C3: variants seen among roughly 807,000 people sequenced by gnomAD.
The protein encoded by C3 is complement C3, also known as C3 and PZP-like alpha-2-macroglobulin domain-containing protein 1.
In C3, 97 loss-of-function variants were observed where a neutral mutation model predicts 207.9. That is an observed-to-expected ratio of 0.47 (90% CI 0.40 to 0.55). The LOEUF is 0.55. Ranked by LOEUF, C3 falls within the 20% of genes least tolerant of loss-of-function variation. The probability of loss-of-function intolerance (pLI) is 0.00; values close to 1 mark genes in which losing one functional copy is unlikely to be tolerated. For missense variants in C3, 1,684 were observed against 2,171.7 expected (o/e 0.78, Z 4.46); for synonymous variants, 848 against 857.6 (o/e 0.99, Z 0.20).
chr19:6,686,691 C>G, intron 28 of C3, 55 bp downstream of exon 28: 1 of 1,574,308 alleles, frequency 6.4e-7, no homozygotes, highest in Non-Finnish European at 8.7e-7. Context: ...CTCAGTATCT[C>G]CCGCCCTGAA....
chr19:6,689,051 T>A lies in C3; in HGVS notation c.3489+1578A>T, dbSNP rs569183635. Among the ~76,000 whole-genome samples, 6 of 152,308 alleles carry A rather than the reference T, an allele frequency of 3.9e-5. No individual in the cohort carries two copies. In the South Asian group the frequency reaches 1.2e-3, roughly 32 times the overall value. ...GATCACGGGAGAGAGGAGCAAAGCA[T>A]CCTGGCAGAGTCCCTGAGGCCACCT... On this transcript the variant is annotated intron_variant, in intron 27 of 40. Transcript: ENST00000245907.
In C3 at chr19:6,684,756, G is replaced by A; in HGVS notation, c.4029+19C>T. ...GCAGAGGGGCATGGGCCAGGCAGGTGTGGGTTTCTGTTCCTTACCGACAAG... is the reference window on the plus strand; with the variant it reads ...GCAGAGGGGCATGGGCCAGGCAGGTATGGGTTTCTGTTCCTTACCGACAAG... On this transcript the variant is annotated intron_variant, in intron 31 of 40. Coordinates refer to ENST00000245907, the MANE Select transcript of C3 (RefSeq NM_000064.4). 2 of 1,613,776 alleles carry A rather than the reference G, an allele frequency of 1.2e-6. No individual in the cohort carries two copies. Among genetic ancestry groups the A allele is most frequent in the African/African-American group, 1.3e-5 (1 of 75,044 alleles).
intron 26 of C3, among the ~76,000 whole-genome samples, chr19:6,691,914 G>C (rs11569578): frequency 6.6e-6 from 1 of 151,906 alleles, no homozygotes; most frequent in Non-Finnish European, 1.5e-5. Context: ...TTGAACCTGG[G>C]AGGTGGAGGT....
chr19:6,692,774 C>T, intron 26 of C3, 150 bp downstream of exon 26: 2 of 949,686 alleles, frequency 2.1e-6, no homozygotes, highest in Admixed American at 3.7e-5. Context: ...ACGCCTCTGG[C>T]TCATATATCT....
chr19:6,694,384 G>A, intron 24 of C3, 47 bp downstream of exon 24: 5 of 1,554,730 alleles, frequency 3.2e-6, no homozygotes, highest in East Asian at 2.2e-5. Context: ...GGAGGGATGC[G>A]CTCGGAAAGG....
At chr19:6,680,650 C>T (rs1299696375) in intron 35 of C3, among the ~76,000 whole-genome samples, 1 of 152,156 alleles carries the variant, frequency 6.6e-6, no homozygotes, top group African/African-American at 2.4e-5. Context: ...CTTCCTTACC[C>T]CCCATGCCAA....
chr19:6,716,508 T>A (rs1968037345), intron 4 of C3: 1 of 152,256 alleles, frequency 6.6e-6, no homozygotes, highest in Non-Finnish European at 1.5e-5. Flanking sequence ...ACAGCTGGGA[T>A]TACAAGTGTG....
chr19:6,680,012 C>T, intron 36 of C3, 146 bp downstream of exon 36: 1 of 687,134 alleles, frequency 1.5e-6, no homozygotes, highest in Non-Finnish European at 2.7e-6. Flanking sequence ...CCTTGGGACC[C>T]TCAGACCCGT....
intron 17 of C3, among the ~76,000 whole-genome samples, chr19:6,705,447 A>ATC (rs921301804): frequency 4.1e-5 from 6 of 147,344 alleles, no homozygotes; most frequent in Middle Eastern, 3.6e-3. Context: ...GGTTCAAACG[A>ATC]TCCTCCCACC....
intron 33 of C3, 135 bp from the exon 34 acceptor site, chr19:6,682,364 T>C: frequency 1.4e-6 from 1 of 713,774 alleles, no homozygotes; most frequent in Non-Finnish European, 2.6e-6. Flanking sequence ...CGTTACATTT[T>C]TTAGGAAACA....
intron 14 of C3, 137 bp downstream of exon 14, chr19:6,709,547 C>T: frequency 1.0e-6 from 1 of 985,070 alleles, no homozygotes; most frequent in Non-Finnish European, 1.6e-6. Context: ...TCAACCATCC[C>T]TGTGTCTGGT....
At position 6,714,215 on chromosome 19, in the gene C3, T is replaced by G; in HGVS notation, c.633A>C (p.Glu211Asp). The change falls in exon 6 of 41, where the codon GAA (glutamate) becomes GAC (aspartate). Residue 211 changes from glutamate (E) to aspartate (D), a missense_variant. Around this residue, in one of 3 missense-constraint regions of C3, gnomAD observed 1,280 missense variants for 1,739.1 expected, o/e 0.74. Coordinates refer to ENST00000245907, the MANE Select transcript of C3 (RefSeq NM_000064.4). Reference protein sequence around the residue: ...MGQWKIRAYYENSPQQVFSTE... With the variant: ...MGQWKIRAYYDNSPQQVFSTE... ...TGGAGAAGACCTGCTGTGGTGAGTT[T>G]TCATAGTAGGCTCGGATCTTCCACT... is the stretch of plus-strand genomic sequence containing the variant. 6.2e-7 allele frequency: 1 copy of G among 1,613,778 alleles called. No individual in the cohort carries two copies. Among genetic ancestry groups the G allele is most frequent in the Non-Finnish European group, 8.5e-7 (1 of 1,179,970 alleles).
intron 26 of C3, 25 bp from the exon 27 acceptor site, chr19:6,690,752 G>A: frequency 1.3e-6 from 2 of 1,583,164 alleles, no homozygotes; most frequent in Non-Finnish European, 1.7e-6. Context: ...AGAAAGCAAG[G>A]ATGGGGTCAC....
chr19:6,717,726 G>A, intron 4 of C3: 1 of 356,382 alleles, frequency 2.8e-6, no homozygotes, highest in Non-Finnish European at 5.1e-6. Context: ...TGTGTATTGT[G>A]TTGTGTGTGT....
In C3 at chr19:6,697,049, T is replaced by TAAATAA. The variant is rs202245108; in HGVS notation, c.2796+294_2796+295insTTATTT. On this transcript the variant is annotated intron_variant, in intron 21 of 40. Transcript: ENST00000245907. ...AGAGTGAGACTCTGTCTCAAAAAAA[T>TAAATAA]AAACAAACAAATAAATAAATAAATA... 5.5e-5 allele frequency among the ~76,000 whole-genome samples: 5 copies of TAAATAA among 91,550 alleles called. No individual in the cohort carries two copies. In the Admixed American group the frequency reaches 6.5e-4, roughly 12 times the overall value. 60.1% of individuals were successfully genotyped at this position (91,550 alleles called of 152,430 possible). A position where few individuals can be genotyped will look rare whatever the true frequency, so the allele number is the denominator to read the frequency against.
intron 1 of C3, among the ~76,000 whole-genome samples, chr19:6,720,024 C>T (rs954979892): frequency 1.3e-5 from 2 of 152,168 alleles, no homozygotes; most frequent in Non-Finnish European, 2.9e-5. Context: ...AAGCTGCAAA[C>T]TCCCAAATCT....
Position 6,714,098 on chromosome 19 carries a change from C to T in C3, c.683-16G>A, listed in dbSNP as rs751124259. On this transcript the variant is annotated splice_polypyrimidine_tract_variant and intron_variant, in intron 6 of 40. Transcript: ENST00000245907. ...CTGGGCAGCACTGGGGGAGAGATGG[C>T]GTTGGTGGGGCCGGCGCTGGGCCAG... 4.3e-6 allele frequency: 7 copies of T among 1,611,402 alleles called. No homozygotes were observed. The highest frequency in any genetic ancestry group is 2.7e-5 in the African/African-American group (2 of 74,572).
intron 11 of C3, 135 bp from the exon 12 acceptor site, chr19:6,711,331 T>A: frequency 2.8e-6 from 2 of 721,230 alleles, no homozygotes; most frequent in Non-Finnish European, 2.5e-6. Flanking sequence ...GATCTGGAGA[T>A]GGAATCATTA....
At position 6,696,594 on chromosome 19, in the gene C3, A is replaced by T. The variant is rs1967539076; in HGVS notation, c.2862T>A (p.Arg954=). 6.2e-7 allele frequency: 1 copy of T among 1,613,300 alleles called. No homozygotes were observed. Among genetic ancestry groups the T allele is most frequent in the Admixed American group, 1.7e-5 (1 of 59,930 alleles). ...VRTLDPERLG[R]EGVQKEDIPP... is the part of the protein sequence containing the mutation. ...CCCCTCCCCCTGCAGCCGACTCACC[A>T]CGGCCCAGGCGTTCTGGATCCAGGG... Residue 954 remains arginine (R), a splice_region_variant and synonymous_variant, in exon 22 of 41, where the codon CGT becomes CGA. Coordinates refer to ENST00000245907, the MANE Select transcript of C3 (RefSeq NM_000064.4).
Sources: allele counts gnomAD v4.1 joint callset (sites outside exome capture counted in the v4.1 genomes callset), GRCh38; gene constraint gnomAD v4.1.1; regional missense constraint gnomAD v4.1.1; transcripts MANE v1.5; gene names NCBI Gene and HGNC (gene_info 2026-07-23, HGNC 2026-07-21).